Variants in SLC4A4 observed in about 807,000 individuals in gnomAD.
The protein encoded by SLC4A4 is solute carrier family 4 member 4, also known as electrogenic sodium bicarbonate cotransporter 1.
A neutral mutation model predicts 111.5 loss-of-function variants in SLC4A4; 27 were observed. That is an observed-to-expected ratio of 0.24 (90% CI 0.18 to 0.33). SLC4A4 has a LOEUF of 0.33. Ranked by LOEUF, SLC4A4 falls within the 10% of genes least tolerant of loss-of-function variation. The pLI is 1.00. For missense variants in SLC4A4, 909 were observed against 1,315.5 expected, an observed-to-expected ratio of 0.69 and a Z score of 4.78; for synonymous variants, 443 against 463.4, an observed-to-expected ratio of 0.96 and a Z score of 0.57.
intron 2 of SLC4A4, among the ~76,000 whole-genome samples, chr4:71,125,111 T>C (rs746830291): frequency 2.6e-5 from 4 of 152,210 alleles, no homozygotes; most frequent in Non-Finnish European, 5.9e-5. Context: ...TTTCTATTTA[T>C]ATGTATCTGG....
At chr4:71,556,538 C>T (rs1041028122) in intron 21 of SLC4A4, among the ~76,000 whole-genome samples, 2 of 151,860 alleles carry the variant, frequency 1.3e-5, no homozygotes, top group African/African-American at 2.4e-5. Context: ...AAAAATCAAC[C>T]ACATAATAAT....
chr4:71,501,092 G>A (rs1228878554), intron 16 of SLC4A4, among the ~76,000 whole-genome samples: 3 of 152,024 alleles, frequency 2.0e-5, no homozygotes, highest in Non-Finnish European at 4.4e-5. Context: ...CATGAATACA[G>A]GATATCTTTC....
At chr4:71,427,320 G>C (rs1438907999) in intron 7 of SLC4A4, among the ~76,000 whole-genome samples, 1 of 151,966 alleles carries the variant, frequency 6.6e-6, no homozygotes, top group Non-Finnish European at 1.5e-5. Context: ...CATGTTTGCA[G>C]CTTCATTCCA....
At chr4:71,329,982 C>G (rs753160492) in intron 3 of SLC4A4, among the ~76,000 whole-genome samples, 4 of 152,070 alleles carry the variant, frequency 2.6e-5, no homozygotes, top group Non-Finnish European at 5.9e-5. Flanking sequence ...GAGGTATGTT[C>G]CTTCTGTAAC....
chr4:71,516,609 G>C (rs547948905), intron 16 of SLC4A4, among the ~76,000 whole-genome samples: 2 of 152,258 alleles, frequency 1.3e-5, no homozygotes, highest in South Asian at 4.1e-4. Flanking sequence ...TGTTCATGTG[G>C]GTAGAGGAGC....
intron 20 of SLC4A4, among the ~76,000 whole-genome samples, chr4:71,549,299 C>T (rs1475076636): frequency 6.6e-6 from 1 of 151,840 alleles, no homozygotes; most frequent in African/African-American, 2.4e-5. Flanking sequence ...TGGTGGAAAG[C>T]CTAATGACAG....
chr4:71,063,503 GA>G (rs1741437818), intron 1 of SLC4A4, among the ~76,000 whole-genome samples: 1 of 151,644 alleles, frequency 6.6e-6, no homozygotes, highest in Non-Finnish European at 1.5e-5. Flanking sequence ...TTCTCAATAA[GA>G]AAAAAGAAAA....
At chr4:71,220,986 T>C (rs1007159020) in intron 1 of SLC4A4, among the ~76,000 whole-genome samples, 3 of 152,218 alleles carry the variant, frequency 2.0e-5, no homozygotes, top group African/African-American at 7.2e-5. Flanking sequence ...TTTCTGTTCC[T>C]GGGTTAGTTT....
intron 2 of SLC4A4, among the ~76,000 whole-genome samples, chr4:71,167,670 ACTT>A (rs1415130600): frequency 6.6e-6 from 1 of 152,318 alleles, no homozygotes; most frequent in African/African-American, 2.4e-5. Flanking sequence ...GACATCTCAA[ACTT>A]CTTATGTTCA....
intron 1 of SLC4A4, among the ~76,000 whole-genome samples, chr4:71,089,659 C>G (rs1279095360): frequency 6.6e-6 from 1 of 151,882 alleles, no homozygotes. Flanking sequence ...TGCTGGAGGT[C>G]CAATACAGAC....
intron 2 of SLC4A4, among the ~76,000 whole-genome samples, chr4:71,125,881 G>GATC (rs1018172005): frequency 6.6e-6 from 1 of 152,106 alleles, no homozygotes; most frequent in African/African-American, 2.4e-5. Context: ...AATCACAACA[G>GATC]ATCACTCATT....
chr4:71,416,215 A>G (rs139038670), intron 7 of SLC4A4, among the ~76,000 whole-genome samples: 130 of 152,252 alleles, frequency 8.5e-4, no homozygotes, highest in Non-Finnish European at 1.2e-4. Context: ...GATGTTAGCT[A>G]TATATAGCAG....
intron 2 of SLC4A4, among the ~76,000 whole-genome samples, chr4:71,130,023 T>A (rs1266484735): frequency 6.6e-6 from 1 of 152,124 alleles, no homozygotes; most frequent in Non-Finnish European, 1.5e-5. Flanking sequence ...AAAAACTACC[T>A]ATGGGGTACC....
At chr4:71,447,031 G>A (rs1405987641) in intron 8 of SLC4A4, among the ~76,000 whole-genome samples, 1 of 152,192 alleles carries the variant, frequency 6.6e-6, no homozygotes, top group Non-Finnish European at 1.5e-5. Context: ...AATGACAAGA[G>A]GACACCCACA....
intron 7 of SLC4A4, among the ~76,000 whole-genome samples, chr4:71,423,527 C>G (rs7376913): frequency 6.6e-6 from 1 of 151,864 alleles, no homozygotes; most frequent in South Asian, 2.1e-4. Flanking sequence ...GAGCCCGCAT[C>G]GCCAAGTCAA....
At chr4:71,252,510 C>G (rs1721136779) in intron 2 of SLC4A4, among the ~76,000 whole-genome samples, 1 of 152,170 alleles carries the variant, frequency 6.6e-6, no homozygotes, top group Non-Finnish European at 1.5e-5. Flanking sequence ...TTACCAATCA[C>G]ATGTGAGAGG....
rs990387343 is a variant in SLC4A4 at position 71,430,276 on chromosome 4, T to C, written c.808-10340T>C. On this transcript the variant is annotated intron_variant, in intron 7 of 25. Transcript: ENST00000264485. ...CTTCTTATTACTAAGCTTTGAACAT[T>C]GTAGGCACCCATAAAGTCTGAGGAC... 6.6e-5 allele frequency among the ~76,000 whole-genome samples: 10 copies of C among 152,268 alleles called. No individual in the cohort carries two copies. The South Asian group carries it at 2.1e-3, about 32-fold the overall frequency.
chr4:71,390,265 T>A (rs1313724034), intron 6 of SLC4A4, among the ~76,000 whole-genome samples: 3 of 152,212 alleles, frequency 2.0e-5, no homozygotes, highest in Non-Finnish European at 1.5e-5. Flanking sequence ...GTTCTCTTTG[T>A]CCCATTTTAT....
intron 2 of SLC4A4, among the ~76,000 whole-genome samples, chr4:71,112,291 T>C (rs1743110283): frequency 6.6e-6 from 1 of 152,246 alleles, no homozygotes; most frequent in African/African-American, 2.4e-5. Flanking sequence ...TTCTAATGTC[T>C]CTATTTGCGT....
Sources: allele counts gnomAD v4.1 joint callset (sites outside exome capture counted in the v4.1 genomes callset), GRCh38; gene constraint gnomAD v4.1.1; transcripts MANE v1.5; gene names NCBI Gene and HGNC (gene_info 2026-07-23, HGNC 2026-07-21).